The following EDIL3 variants were observed in gnomAD, a reference collection of about 807,000 sequenced individuals.
EDIL3 encodes EGF like and discoidin domains 3, also known as EGF-like repeat and discoidin I-like domain-containing protein 3.
Under a neutral mutation model 67.4 loss-of-function variants are expected in EDIL3, and 37 were observed. That is an observed-to-expected ratio of 0.55 (90% CI 0.42 to 0.72). The LOEUF (loss-of-function observed/expected upper bound fraction) is 0.72, where lower values mean the gene tolerates loss of function less well. Ranked by LOEUF, EDIL3 falls within the 30% of genes least tolerant of loss-of-function variation. The probability of loss-of-function intolerance (pLI) is 0.00; values close to 1 mark genes in which losing one functional copy is unlikely to be tolerated. For synonymous variants in EDIL3, 195 were observed against 196.3 expected (o/e 0.99, Z 0.05); for missense variants, 527 against 586.3 (o/e 0.90, Z 1.04).
At chr5:84,189,005 C>A (rs1325087108) in intron 3 of EDIL3, among the ~76,000 whole-genome samples, 1 of 152,020 alleles carries the variant, frequency 6.6e-6, no homozygotes, top group Non-Finnish European at 1.5e-5. Flanking sequence ...CTATTTCACC[C>A]GCCTTATGGT....
intron 1 of EDIL3, among the ~76,000 whole-genome samples, chr5:84,329,066 AATTT>A (rs1371907268): frequency 6.6e-6 from 1 of 152,092 alleles, no homozygotes; most frequent in Non-Finnish European, 1.5e-5. Flanking sequence ...CCATTTTATA[AATTT>A]ATTTCTTATA....
At chr5:84,354,949 C>T (rs896056697) in intron 1 of EDIL3, among the ~76,000 whole-genome samples, 11 of 152,096 alleles carry the variant, frequency 7.2e-5, no homozygotes, top group South Asian at 4.1e-4. Flanking sequence ...GTGAATCTGA[C>T]GATTATGCGT....
chr5:84,129,340 G>A (rs1337738315), intron 5 of EDIL3, among the ~76,000 whole-genome samples: 1 of 151,978 alleles, frequency 6.6e-6, no homozygotes, highest in African/African-American at 2.4e-5. Context: ...AAAGAAGTGA[G>A]AAATTAAGTT....
intron 1 of EDIL3, among the ~76,000 whole-genome samples, chr5:84,356,939 T>C (rs1747500797): frequency 1.4e-5 from 2 of 142,684 alleles, no homozygotes; most frequent in Non-Finnish European, 3.1e-5. Context: ...CTCTCTTTTC[T>C]TTTTTTTTTA....
chr5:84,103,578 A>G (rs1306370607), intron 6 of EDIL3, among the ~76,000 whole-genome samples: 1 of 152,164 alleles, frequency 6.6e-6, no homozygotes, highest in Admixed American at 6.6e-5. Context: ...ACAATTTTCA[A>G]AAGAAGACAT....
At chr5:84,328,159 CATAA>C (rs890607473) in intron 1 of EDIL3, among the ~76,000 whole-genome samples, 6 of 151,966 alleles carry the variant, frequency 3.9e-5, no homozygotes, top group African/African-American at 1.4e-4. Flanking sequence ...TTTTCTGAAA[CATAA>C]ATAAACATGT....
intron 1 of EDIL3, among the ~76,000 whole-genome samples, chr5:84,271,039 T>A (rs761269610): frequency 1.3e-5 from 2 of 152,238 alleles, no homozygotes; most frequent in African/African-American, 2.4e-5. Flanking sequence ...TCTACCCAAT[T>A]TATTCTTTAA....
intron 9 of EDIL3, among the ~76,000 whole-genome samples, chr5:84,043,283 G>A (rs557117583): frequency 2.0e-5 from 3 of 152,256 alleles, no homozygotes; most frequent in Middle Eastern, 3.4e-3. Flanking sequence ...GACAGGGGTC[G>A]ACTATTCCTC....
At chr5:84,089,073 GAGA>G (rs1747120548) in intron 6 of EDIL3, among the ~76,000 whole-genome samples, 1 of 152,142 alleles carries the variant, frequency 6.6e-6, no homozygotes, top group Non-Finnish European at 1.5e-5. Context: ...ATGGAAATAG[GAGA>G]AGATGAAACT....
chr5:84,123,578 AATC>A (rs1747815335), intron 5 of EDIL3, among the ~76,000 whole-genome samples: 1 of 151,986 alleles, frequency 6.6e-6, no homozygotes, highest in African/African-American at 2.4e-5. Flanking sequence ...CACACCTTGC[AATC>A]ATTTGAAAAG....
intron 9 of EDIL3, among the ~76,000 whole-genome samples, chr5:83,963,915 TC>T (rs1744647552): frequency 6.6e-6 from 1 of 151,790 alleles, no homozygotes; most frequent in Non-Finnish European, 1.5e-5. Context: ...GTAATAGTAA[TC>T]ATTGTCCAGT....
chr5:84,132,791 T>C (rs1212087417), intron 5 of EDIL3, among the ~76,000 whole-genome samples: 2 of 151,254 alleles, frequency 1.3e-5, no homozygotes, highest in African/African-American at 4.9e-5. Context: ...CTTAAACAAC[T>C]ATATAATTAT....
intron 2 of EDIL3, among the ~76,000 whole-genome samples, chr5:84,240,847 T>G (rs1744780920): frequency 6.6e-6 from 1 of 152,270 alleles, no homozygotes; most frequent in African/African-American, 2.4e-5. Flanking sequence ...TTCTAGAAAG[T>G]TTCCCCATGT....
chr5:83,965,368 T>C (rs1242211738), intron 9 of EDIL3, among the ~76,000 whole-genome samples: 1 of 152,118 alleles, frequency 6.6e-6, no homozygotes, highest in Non-Finnish European at 1.5e-5. Context: ...TTGCTTTTGT[T>C]GTCCTAAATC....
intron 9 of EDIL3, among the ~76,000 whole-genome samples, chr5:83,977,215 T>C: frequency 6.6e-6 from 1 of 151,860 alleles, no homozygotes; most frequent in Non-Finnish European, 1.5e-5. Flanking sequence ...GATATCTACA[T>C]CCTTCAGCTT....
chr5:84,013,816 C>A (rs757198068), intron 9 of EDIL3, among the ~76,000 whole-genome samples: 1 of 152,104 alleles, frequency 6.6e-6, no homozygotes, highest in East Asian at 1.9e-4. Context: ...CAGGGGATAA[C>A]CCTTAAGCTA....
chr5:84,087,173 T>C (rs2112264296), intron 6 of EDIL3, among the ~76,000 whole-genome samples: 1 of 152,364 alleles, frequency 6.6e-6, no homozygotes, highest in Non-Finnish European at 1.5e-5. Flanking sequence ...TAACTCTTAA[T>C]AAATATTTGT....
intron 3 of EDIL3, among the ~76,000 whole-genome samples, chr5:84,206,679 A>T (rs1408373365): frequency 2.0e-5 from 3 of 152,130 alleles, no homozygotes; most frequent in Non-Finnish European, 4.4e-5. Flanking sequence ...CCAGCAGCAC[A>T]TCAAAAAGTT....
intron 3 of EDIL3, among the ~76,000 whole-genome samples, chr5:84,213,761 A>G (rs1023945274): frequency 6.6e-6 from 1 of 152,170 alleles, no homozygotes; most frequent in Non-Finnish European, 1.5e-5. Context: ...AGAACACTAT[A>G]CCCAGGTATG....
Sources: allele counts gnomAD v4.1 joint callset (sites outside exome capture counted in the v4.1 genomes callset), GRCh38; gene constraint gnomAD v4.1.1; transcripts MANE v1.5; gene names NCBI Gene and HGNC (gene_info 2026-07-23, HGNC 2026-07-21).